Variants in RNF212B observed in about 807,000 individuals in gnomAD.
RNF212B encodes the protein ring finger protein 212B, also known as E3 ubiquitin-protein ligase RNF212B.
Under a neutral mutation model 55.5 loss-of-function variants are expected in RNF212B, and 52 were observed. The ratio of observed to expected loss-of-function variants is 0.94; its 90% CI spans 0.75 to 1.18. RNF212B has a LOEUF of 1.18. RNF212B is among the 50% of genes most tolerant of loss of function. RNF212B has a pLI of 0.00. For synonymous variants in RNF212B, 99 were observed against 121.4 expected (o/e 0.82, Z 1.21); for missense variants, 289 against 350.4 (o/e 0.82, Z 1.40).
At chr14:23,233,562 CAAAA>C (rs35654046), upstream of RNF212B, among the ~76,000 whole-genome samples, 1 of 58,392 alleles carries the variant, frequency 1.7e-5, no homozygotes, top group Non-Finnish European at 3.1e-5. Context: ...CCCATCTCTA[CAAAA>C]AAAAAAAAAA....
At chr14:23,216,128 C>G (rs1881049389) in intron 2 of RNF212B, among the ~76,000 whole-genome samples, 1 of 152,132 alleles carries the variant, frequency 6.6e-6, no homozygotes, top group South Asian at 2.1e-4. Flanking sequence ...TGCCTGTAGT[C>G]CCAGCTACTC....
chr14:23,243,680 G>GT (rs956879938), intron 3 of RNF212B, among the ~76,000 whole-genome samples: 68 of 105,236 alleles, frequency 6.5e-4, no homozygotes, highest in Non-Finnish European at 1.0e-3. Context: ...TGGGCTCAGA[G>GT]TAAGACTCTG....
intron 2 of RNF212B, among the ~76,000 whole-genome samples, chr14:23,210,306 C>G (rs190781413): frequency 1.4e-3 from 216 of 152,298 alleles, no homozygotes; most frequent in Middle Eastern, 6.8e-3. Flanking sequence ...ATTGAGAAAC[C>G]GTCTCTGACC....
upstream of RNF212B, among the ~76,000 whole-genome samples, chr14:23,236,304 A>G (rs1007595315): frequency 3.3e-5 from 5 of 152,200 alleles, no homozygotes; most frequent in African/African-American, 1.2e-4. Context: ...TCATGATGTC[A>G]GGAGTTCGAG....
At chr14:23,245,136 T>C (rs974601987) in intron 4 of RNF212B, among the ~76,000 whole-genome samples, 2 of 152,202 alleles carry the variant, frequency 1.3e-5, no homozygotes, top group African/African-American at 2.4e-5. Flanking sequence ...CTTTCTATAC[T>C]CTTACTTCTT....
upstream of RNF212B, among the ~76,000 whole-genome samples, chr14:23,235,492 C>T (rs1276428890): frequency 6.6e-6 from 1 of 152,126 alleles, no homozygotes; most frequent in Admixed American, 6.6e-5. Flanking sequence ...ATTTGGTAGG[C>T]ATTTTCTCAA....
intron 4 of RNF212B, among the ~76,000 whole-genome samples, chr14:23,257,745 C>A (rs899056489): frequency 6.6e-6 from 1 of 152,146 alleles, no homozygotes; most frequent in African/African-American, 2.4e-5. Flanking sequence ...TAAAAAATTA[C>A]GTGTGCATGC....
intron 1 of RNF212B, among the ~76,000 whole-genome samples, chr14:23,239,033 A>G (rs178768): frequency 0.51 from 77,715 of 151,928 alleles, 20,392 homozygotes; most frequent in African/African-American, 0.63. Context: ...AACATTAAGT[A>G]ATTTTTCAAA....
intron 2 of RNF212B, among the ~76,000 whole-genome samples, chr14:23,242,333 A>G (rs536616729): frequency 1.1e-4 from 17 of 152,288 alleles, no homozygotes; most frequent in African/African-American, 3.9e-4. Context: ...GTCTTAATCA[A>G]TGACCAGTCC....
intron 1 of RNF212B, among the ~76,000 whole-genome samples, chr14:23,189,395 A>G (rs937898125): frequency 3.9e-5 from 6 of 152,050 alleles, no homozygotes; most frequent in Non-Finnish European, 5.9e-5. Flanking sequence ...CCTATCTCCC[A>G]AAGTCTCAAG....
intron 2 of RNF212B, among the ~76,000 whole-genome samples, chr14:23,242,779 G>C (rs777306798): frequency 6.6e-6 from 1 of 152,008 alleles, no homozygotes; most frequent in Non-Finnish European, 1.5e-5. Context: ...TTCAAGACCA[G>C]CTTGAGCAAC....
intron 7 of RNF212B, 80 bp from the exon 8 acceptor site, chr14:23,262,585 A>G: frequency 8.4e-7 from 1 of 1,195,204 alleles, no homozygotes; most frequent in Non-Finnish European, 1.2e-6. Context: ...TCTATAAACA[A>G]TGATCTGATT....
Position 23,269,862 on chromosome 14 carries a change from G to C in RNF212B, c.675-1G>C. 1 of 1,521,166 alleles carries C rather than the reference G, an allele frequency of 6.6e-7. No individual in the cohort carries two copies. The highest frequency in any genetic ancestry group is 8.9e-7 in the Non-Finnish European group (1 of 1,120,850). The allele number at this position is 1,521,166 out of a possible 1,614,324, so 94.2% of individuals were successfully genotyped here. A position where few individuals can be genotyped will look rare whatever the true frequency, so the allele number is the denominator to read the frequency against. ...CTGATGCTTTTATTTGCTTTCCTTA[G>C]AACTTCATCTGCCTCCTCTGGACAG... On this transcript the variant is annotated splice_acceptor_variant, in intron 12 of 14. Transcript: ENST00000430154. LOFTEE classifies it high-confidence loss of function.
intron 2 of RNF212B, among the ~76,000 whole-genome samples, chr14:23,200,078 A>ATT (rs1879138019): frequency 6.6e-6 from 1 of 151,798 alleles, no homozygotes; most frequent in African/African-American, 2.4e-5. Flanking sequence ...GTCTTGAAAC[A>ATT]TTTTTTTCTC....
At chr14:23,220,822 C>CAAAA (rs201824962) in intron 2 of RNF212B, among the ~76,000 whole-genome samples, 1 of 150,030 alleles carries the variant, frequency 6.7e-6, no homozygotes, top group African/African-American at 2.5e-5. Flanking sequence ...AAGACTCCAT[C>CAAAA]AAAAAAAACA....
upstream of RNF212B, among the ~76,000 whole-genome samples, chr14:23,236,363 A>G (rs1883090839): frequency 6.6e-6 from 1 of 152,130 alleles, no homozygotes; most frequent in African/African-American, 2.4e-5. Flanking sequence ...AAAATAGAAA[A>G]AATTAGCTGG....
At position 23,273,053 on chromosome 14, in the gene RNF212B, C is replaced by T; in HGVS notation, c.*162C>T. ...TCTTTACCCTATTCACCCTTATCACCTCCCAGGACAGTGGTCAGGTCTTAC... is the reference window on the plus strand; with the variant it reads ...TCTTTACCCTATTCACCCTTATCACTTCCCAGGACAGTGGTCAGGTCTTAC... On this transcript the variant is annotated 3_prime_UTR_variant, in exon 15 of 15. Transcript: ENST00000430154. 2.2e-6 allele frequency: 1 copy of T among 464,416 alleles called. No individual in the cohort carries two copies. The highest frequency in any genetic ancestry group is 3.8e-6 in the Non-Finnish European group (1 of 263,272). 28.8% of individuals were successfully genotyped at this position (464,416 alleles called of 1,614,324 possible). A position where few individuals can be genotyped will look rare whatever the true frequency, so the allele number is the denominator to read the frequency against.
At chr14:23,239,317 C>T (rs1883383230) in intron 1 of RNF212B, among the ~76,000 whole-genome samples, 2 of 152,170 alleles carry the variant, frequency 1.3e-5, no homozygotes, top group South Asian at 2.1e-4. Context: ...ACCTCGGCCT[C>T]CCAAAGTGCT....
chr14:23,204,629 T>TATAGTATAG (rs1235741529), intron 2 of RNF212B, among the ~76,000 whole-genome samples: 2 of 152,214 alleles, frequency 1.3e-5, no homozygotes, highest in Admixed American at 1.3e-4. Flanking sequence ...ACTATGACCT[T>TATAGTATAG]ATAGTATAGT....
Sources: gnomAD v4.1 joint callset for allele counts (sites outside exome capture counted in the v4.1 genomes callset) on GRCh38, gnomAD v4.1.1 for gene constraint, MANE v1.5 for transcripts, NCBI Gene and HGNC (gene_info 2026-07-23, HGNC 2026-07-21) for gene names.